PTPRG: variants seen among roughly 807,000 people sequenced by gnomAD.
PTPRG encodes protein tyrosine phosphatase receptor type G.
PTPRG carries 102 observed loss-of-function variants against 165.3 expected under a neutral mutation model. The observed-to-expected ratio is 0.62, with a 90% CI of 0.53 to 0.73. The LOEUF (loss-of-function observed/expected upper bound fraction) is 0.73, where lower values mean the gene tolerates loss of function less well. PTPRG is among the 30% of genes least tolerant of loss of function. PTPRG has a pLI of 0.00. For synonymous variants in PTPRG, 675 were observed against 669.5 expected (o/e 1.01, Z -0.13); for missense variants, 1,866 against 1,861.4 (o/e 1.00, Z -0.05).
chr3:61,940,395 T>G (rs532930658), intron 2 of PTPRG, among the ~76,000 whole-genome samples: 9 of 152,344 alleles, frequency 5.9e-5, no homozygotes, highest in African/African-American at 1.9e-4. Flanking sequence ...CATGCATGAA[T>G]GAATGAAACT....
chr3:61,861,834 A>G (rs938204966), intron 2 of PTPRG, among the ~76,000 whole-genome samples: 3 of 152,128 alleles, frequency 2.0e-5, no homozygotes, highest in African/African-American at 7.2e-5. Context: ...CACTATTTAA[A>G]TTTTCTGCCA....
At chr3:62,125,579 A>T (rs1234400378) in intron 5 of PTPRG, among the ~76,000 whole-genome samples, 1 of 152,160 alleles carries the variant, frequency 6.6e-6, no homozygotes, top group Non-Finnish European at 1.5e-5. Flanking sequence ...GGGAAAGTCA[A>T]AGTTGTCCAG....
In PTPRG at chr3:62,273,547, G is replaced by A. The variant is rs1414411605; in HGVS notation, c.3319-151G>A. The A allele has an allele frequency of 5.4e-6, 4 of 736,868 alleles. No individual in the cohort carries two copies. The African/African-American group carries it at 7.0e-5, about 13-fold the overall frequency. 45.6% of individuals were successfully genotyped at this position (736,868 alleles called of 1,614,324 possible). A position where few individuals can be genotyped will look rare whatever the true frequency, so the allele number is the denominator to read the frequency against. On this transcript the variant is annotated intron_variant, in intron 22 of 29. Transcript: ENST00000474889. This position sits in a 1 kb window ranked among gnomAD's most constrained non-coding sequence, Gnocchi z 4.1. Reference sequence around the variant, plus strand: ...TAAAATAAGTTAAGACTGATAAAGTGAGTATTGGAGCAAATCACCTAGCTG... The same window carrying A: ...TAAAATAAGTTAAGACTGATAAAGTAAGTATTGGAGCAAATCACCTAGCTG...
Position 61,601,485 on chromosome 3 carries a change from G to T in PTPRG, c.85+39113G>T, listed in dbSNP as rs142267202. 6.0e-3 allele frequency among the ~76,000 whole-genome samples: 914 copies of T among 152,260 alleles called. 11 individuals are homozygous for T. Among genetic ancestry groups the T allele is most frequent in the African/African-American group, 0.02 (832 of 41,552 alleles). ...CATTATATCCTTTGGGTAATCTCCA[G>T]TATTTATGGGCTCAAATCAGTGTTG... On this transcript the variant is annotated intron_variant, in intron 1 of 29. Coordinates refer to ENST00000474889, the MANE Select transcript of PTPRG (RefSeq NM_002841.4).
At chr3:61,622,612 G>C (rs1386325906) in intron 1 of PTPRG, among the ~76,000 whole-genome samples, 1 of 152,108 alleles carries the variant, frequency 6.6e-6, no homozygotes, top group African/African-American at 2.4e-5. Flanking sequence ...TCTTGCAATG[G>C]AAAGTGCTTT....
rs1485296438 is a variant in PTPRG, at chr3:61,905,102, T to C, written c.191-84523T>C. 3.9e-5 allele frequency among the ~76,000 whole-genome samples: 6 copies of C among 152,278 alleles called. No homozygotes were observed. The South Asian group carries it at 1.2e-3, about 32-fold the overall frequency. On this transcript the variant is annotated intron_variant, in intron 2 of 29. Coordinates refer to ENST00000474889, the MANE Select transcript of PTPRG (RefSeq NM_002841.4). ...CCCTGCTCGAAAGATTGCCACACTATAGATATTTGAAAATCAGATGCGGTA... is the reference window on the plus strand; with the variant it reads ...CCCTGCTCGAAAGATTGCCACACTACAGATATTTGAAAATCAGATGCGGTA...
chr3:62,244,498 C>G (rs1159496682), intron 15 of PTPRG, among the ~76,000 whole-genome samples: 2 of 152,082 alleles, frequency 1.3e-5, no homozygotes, highest in East Asian at 3.9e-4. Flanking sequence ...ATTTGGCATC[C>G]CTTCTTCTTT....
intron 2 of PTPRG, among the ~76,000 whole-genome samples, chr3:61,826,261 C>G (rs987128359): frequency 3.9e-5 from 6 of 152,214 alleles, no homozygotes; most frequent in Admixed American, 3.9e-4. Context: ...AAAAGGGACT[C>G]TTTCCCCTAC....
Position 61,647,943 on chromosome 3 carries a change from G to A in PTPRG, c.85+85571G>A, listed in dbSNP as rs555867425. Among the ~76,000 whole-genome samples the A allele has an allele frequency of 2.9e-4, 44 of 152,240 alleles. No homozygotes were observed. In the South Asian group the frequency reaches 8.3e-3, roughly 29 times the overall value. On this transcript the variant is annotated intron_variant, in intron 1 of 29. Coordinates refer to ENST00000474889, the MANE Select transcript of PTPRG (RefSeq NM_002841.4). ...ATTGTGATTGCGGCCTGTGAGGCCC[G>A]TTATGGCTTGTCTATCTACTGACAC... is the stretch of plus-strand genomic sequence containing the variant.
At chr3:61,918,356 A>T (rs2038992249) in intron 2 of PTPRG, among the ~76,000 whole-genome samples, 1 of 151,596 alleles carries the variant, frequency 6.6e-6, no homozygotes, top group Non-Finnish European at 1.5e-5. Flanking sequence ...ATTGAATGGG[A>T]AATATGTATA....
At chr3:61,622,361 T>C (rs950349588) in intron 1 of PTPRG, among the ~76,000 whole-genome samples, 1 of 152,184 alleles carries the variant, frequency 6.6e-6, no homozygotes, top group African/African-American at 2.4e-5. Context: ...AAGGAGAGTT[T>C]GCTATTTGTA....
chr3:61,713,455 GCCACT>G (rs1466180919), intron 1 of PTPRG, among the ~76,000 whole-genome samples: 1 of 151,862 alleles, frequency 6.6e-6, no homozygotes, highest in East Asian at 1.9e-4. Flanking sequence ...ACAGGCATGA[GCCACT>G]GCACCCGGGC....
At chr3:61,613,885 T>C (rs1296802827) in intron 1 of PTPRG, among the ~76,000 whole-genome samples, 4 of 152,132 alleles carry the variant, frequency 2.6e-5, no homozygotes. Context: ...GAATTTAGAG[T>C]AATCTCAGGG....
intron 12 of PTPRG, 56 bp downstream of exon 12, chr3:62,204,006 T>G: frequency 6.7e-7 from 1 of 1,498,524 alleles, no homozygotes; most frequent in Non-Finnish European, 8.9e-7. Flanking sequence ...GTCGTACCCT[T>G]TTTCAAAAAA....
chr3:61,704,530 A>T (rs370425858), intron 1 of PTPRG, among the ~76,000 whole-genome samples: 1 of 152,146 alleles, frequency 6.6e-6, no homozygotes, highest in Non-Finnish European at 1.5e-5. Context: ...GTAATAAAAA[A>T]TGTCTCCAGG....
chr3:61,649,292 T>G (rs1448203668), intron 1 of PTPRG, among the ~76,000 whole-genome samples: 2 of 152,156 alleles, frequency 1.3e-5, no homozygotes, highest in Non-Finnish European at 2.9e-5. Context: ...AGTACTAGGA[T>G]TACAGGCATG....
intron 2 of PTPRG, among the ~76,000 whole-genome samples, chr3:61,873,899 C>G (rs2037653685): frequency 6.6e-6 from 1 of 152,160 alleles, no homozygotes; most frequent in Non-Finnish European, 1.5e-5. Flanking sequence ...TCCTCCTGCC[C>G]TGTTGCTTCC....
chr3:61,563,458 T>A (rs930272287), intron 1 of PTPRG, among the ~76,000 whole-genome samples: 3 of 151,892 alleles, frequency 2.0e-5, no homozygotes. Context: ...CTCTTGCAGG[T>A]CCCCCGGGCA....
chr3:62,150,195 T>C (rs898182266), intron 6 of PTPRG, among the ~76,000 whole-genome samples: 8 of 152,132 alleles, frequency 5.3e-5, no homozygotes, highest in Non-Finnish European at 7.4e-5. Context: ...AAAGCAGCCG[T>C]GAATGGAGTA....
Sources: allele counts gnomAD v4.1 joint callset (sites outside exome capture counted in the v4.1 genomes callset), GRCh38; gene constraint gnomAD v4.1.1; non-coding constraint Gnocchi (gnomAD v3.1); transcripts MANE v1.5; gene names NCBI Gene and HGNC (gene_info 2026-07-23, HGNC 2026-07-21).